Variants in ZMAT4 observed in about 807,000 individuals in gnomAD.
ZMAT4 encodes the protein zinc finger matrin-type 4.
A neutral mutation model predicts 28.7 loss-of-function variants in ZMAT4; 17 were observed. The observed-to-expected ratio is 0.59, with a 90% CI of 0.41 to 0.89. The LOEUF is 0.89. ZMAT4 is among the 40% of genes least tolerant of loss of function. The pLI, the probability that ZMAT4 is intolerant of heterozygous loss-of-function variation, is 0.00. For missense variants in ZMAT4, 240 were observed against 283.8 expected (o/e 0.85, Z 1.11); for synonymous variants, 117 against 109.2 (o/e 1.07, Z -0.44).
At chr8:40,695,088 G>A (rs1400286462) in intron 4 of ZMAT4, among the ~76,000 whole-genome samples, 3 of 152,146 alleles carry the variant, frequency 2.0e-5, no homozygotes, top group Non-Finnish European at 4.4e-5. Context: ...ATTTCTACAA[G>A]GCTGCCCTTA....
chr8:40,719,959 G>T (rs1454280125), intron 3 of ZMAT4, among the ~76,000 whole-genome samples: 1 of 152,156 alleles, frequency 6.6e-6, no homozygotes, highest in Non-Finnish European at 1.5e-5. Context: ...TCTCCAAGGT[G>T]AGTCCTGTCT....
intron 4 of ZMAT4, among the ~76,000 whole-genome samples, chr8:40,683,682 A>G (rs1809272587): frequency 1.3e-5 from 2 of 152,216 alleles, no homozygotes; most frequent in Admixed American, 1.3e-4. Flanking sequence ...TTTTAAAGTT[A>G]TGCAGTACTC....
Position 40,782,116 on chromosome 8 carries a change from G to A in ZMAT4, c.103-14386C>T, listed in dbSNP as rs111486893. Among the ~76,000 whole-genome samples, 1,431 of 152,172 alleles carry A rather than the reference G, an allele frequency of 9.4e-3. 24 individuals carry two copies. The highest frequency in any genetic ancestry group is 0.033 in the African/African-American group (1,379 of 41,510). On this transcript the variant is annotated intron_variant, in intron 2 of 6. Coordinates refer to ENST00000297737, the MANE Select transcript of ZMAT4 (RefSeq NM_024645.3). Reference sequence around the variant, plus strand: ...TTAAATGTTGTGCTTCAAAGACACCGGTGGCTCACACCTGTAATCCCAGCA... The same window carrying A: ...TTAAATGTTGTGCTTCAAAGACACCAGTGGCTCACACCTGTAATCCCAGCA...
At chr8:40,842,418 G>T (rs1816735960) in intron 1 of ZMAT4, among the ~76,000 whole-genome samples, 1 of 152,206 alleles carries the variant, frequency 6.6e-6, no homozygotes, top group Non-Finnish European at 1.5e-5. Flanking sequence ...AAGCACTCCA[G>T]TTATCTTCCA....
intron 1 of ZMAT4, among the ~76,000 whole-genome samples, chr8:40,857,825 T>C (rs1817351027): frequency 6.6e-6 from 1 of 152,132 alleles, no homozygotes; most frequent in Non-Finnish European, 1.5e-5. Context: ...CTGGAACAAT[T>C]AAAAAATCAG....
At chr8:40,796,908 G>A (rs1224443317) in intron 2 of ZMAT4, among the ~76,000 whole-genome samples, 1 of 152,156 alleles carries the variant, frequency 6.6e-6, no homozygotes, top group Non-Finnish European at 1.5e-5. Flanking sequence ...GATCCATGCA[G>A]CACAAGGCCT....
chr8:40,655,710 G>T (rs1370298094), intron 5 of ZMAT4, among the ~76,000 whole-genome samples: 1 of 152,042 alleles, frequency 6.6e-6, no homozygotes, highest in African/African-American at 2.4e-5. Context: ...AATAAGAGAA[G>T]TCTTTTCAAC....
intron 5 of ZMAT4, among the ~76,000 whole-genome samples, chr8:40,601,405 A>AAAGGAAGGAAGG (rs1165716784): frequency 2.0e-3 from 147 of 72,260 alleles, no homozygotes; most frequent in African/African-American, 8.6e-3. Context: ...AGGAGGAAAG[A>AAAGGAAGGAAGG]AAGGAAGGAA....
At chr8:40,745,122 G>T in intron 3 of ZMAT4, among the ~76,000 whole-genome samples, 1 of 152,328 alleles carries the variant, frequency 6.6e-6, no homozygotes, top group Non-Finnish European at 1.5e-5. Flanking sequence ...AGGCAGGGCC[G>T]ACTCACAGCA....
intron 6 of ZMAT4, among the ~76,000 whole-genome samples, chr8:40,542,578 G>C (rs368901270): frequency 6.6e-6 from 1 of 151,722 alleles, no homozygotes; most frequent in Admixed American, 6.6e-5. Flanking sequence ...TTGTAGATAC[G>C]GTGTGGCACT....
intron 4 of ZMAT4, among the ~76,000 whole-genome samples, chr8:40,688,161 A>C (rs1210797280): frequency 6.6e-6 from 1 of 152,170 alleles, no homozygotes; most frequent in Non-Finnish European, 1.5e-5. Flanking sequence ...CAACAAATTT[A>C]ATAAAATAAA....
intron 6 of ZMAT4, among the ~76,000 whole-genome samples, chr8:40,565,516 A>G (rs189558161): frequency 1.5e-4 from 22 of 151,282 alleles, no homozygotes; most frequent in Admixed American, 7.3e-4. Context: ...AACTGGGGTT[A>G]CAGACATCCG....
chr8:40,558,355 T>C (rs1803615464), intron 6 of ZMAT4, among the ~76,000 whole-genome samples: 1 of 151,930 alleles, frequency 6.6e-6, no homozygotes, highest in South Asian at 2.1e-4. Flanking sequence ...AAGGCAAATG[T>C]CCCCACAGGG....
rs1326716784 is a variant in ZMAT4, at chr8:40,769,327, T to A, written c.103-1597A>T. On this transcript the variant is annotated intron_variant, in intron 2 of 6. Coordinates refer to ENST00000297737, the MANE Select transcript of ZMAT4 (RefSeq NM_024645.3). ...AGAGAAACAGACATGTAGATGTATG[T>A]CAGATGAGTCAACATTATTTTGCGG... Among the ~76,000 whole-genome samples the A allele has an allele frequency of 5.3e-5, 8 of 152,332 alleles. No individual in the cohort carries two copies. The East Asian group carries it at 1.5e-3, about 29-fold the overall frequency.
chr8:40,862,596 A>AAG (rs1817539401), intron 1 of ZMAT4, among the ~76,000 whole-genome samples: 1 of 146,894 alleles, frequency 6.8e-6, no homozygotes, highest in Non-Finnish European at 1.5e-5. Flanking sequence ...AAAAAAAAAA[A>AAG]AAAAGAAAAT....
chr8:40,642,565 T>C (rs557097746), intron 5 of ZMAT4, among the ~76,000 whole-genome samples: 1 of 152,170 alleles, frequency 6.6e-6, no homozygotes, highest in Non-Finnish European at 1.5e-5. Context: ...AAGGTAAAGA[T>C]TGTTTTCAAA....
chr8:40,811,053 A>G lies in ZMAT4; in HGVS notation c.102+14522T>C, dbSNP rs1443345088. ...ATTGGCAGATATGTAGAGATCTGGG[A>G]ACCCTCATGTACAATTGGTTGGAGA... On this transcript the variant is annotated intron_variant, in intron 2 of 6. Coordinates refer to ENST00000297737, the MANE Select transcript of ZMAT4 (RefSeq NM_024645.3). Among the ~76,000 whole-genome samples, 4 of 152,230 alleles carry G rather than the reference A, an allele frequency of 2.6e-5. No homozygotes were observed. The East Asian group carries it at 7.7e-4, about 29-fold the overall frequency.
chr8:40,897,040 T>C (rs977938573), intron 1 of ZMAT4, among the ~76,000 whole-genome samples: 2 of 151,502 alleles, frequency 1.3e-5, no homozygotes, highest in African/African-American at 4.9e-5. Context: ...AGCTAATTAA[T>C]TATGTGATTT....
intron 4 of ZMAT4, among the ~76,000 whole-genome samples, chr8:40,692,311 G>A (rs1451219075): frequency 6.6e-6 from 1 of 152,150 alleles, no homozygotes; most frequent in South Asian, 2.1e-4. Flanking sequence ...TAAATTTGAT[G>A]TCATTACCTG....
Sources: gnomAD v4.1 joint callset for allele counts (sites outside exome capture counted in the v4.1 genomes callset) on GRCh38, gnomAD v4.1.1 for gene constraint, MANE v1.5 for transcripts, NCBI Gene and HGNC (gene_info 2026-07-23, HGNC 2026-07-21) for gene names.